The following CLIP2 variants were observed in gnomAD, a reference collection of about 807,000 sequenced individuals.
CLIP2 encodes CAP-Gly domain containing linker protein 2.
A neutral mutation model predicts 111.7 loss-of-function variants in CLIP2; 41 were observed. The observed-to-expected ratio is 0.37, with a 90% CI of 0.29 to 0.48. The LOEUF (loss-of-function observed/expected upper bound fraction) is 0.48, where lower values mean the gene tolerates loss of function less well. Ranked by LOEUF, CLIP2 falls within the 20% of genes least tolerant of loss-of-function variation. The probability of loss-of-function intolerance (pLI) is 0.99; values close to 1 mark genes in which losing one functional copy is unlikely to be tolerated. For missense variants in CLIP2, 1,160 were observed against 1,422.1 expected (o/e 0.82, Z 2.96); for synonymous variants, 660 against 644.2 (o/e 1.02, Z -0.37).
At chr7:74,378,271 G>A (rs1262039585) in intron 10 of CLIP2, among the ~76,000 whole-genome samples, 1 of 151,642 alleles carries the variant, frequency 6.6e-6, no homozygotes, top group Non-Finnish European at 1.5e-5. Context: ...AGGACCACAG[G>A]TGTGCCCCAC....
chr7:74,317,437 C>A, intron 1 of CLIP2, 43 bp from the exon 2 acceptor site: 1 of 1,267,372 alleles, frequency 7.9e-7, no homozygotes, highest in Non-Finnish European at 1.0e-6. Context: ...GTCTGGGGGC[C>A]ATTGGGAAGT....
intron 3 of CLIP2, among the ~76,000 whole-genome samples, chr7:74,348,858 A>G (rs1218132064): frequency 1.3e-5 from 2 of 151,718 alleles, no homozygotes; most frequent in African/African-American, 4.8e-5. Context: ...AAAAACTTGT[A>G]CAAGTAGGTC....
At chr7:74,348,177 C>A (rs1005816236) in intron 3 of CLIP2, among the ~76,000 whole-genome samples, 5 of 151,026 alleles carry the variant, frequency 3.3e-5, no homozygotes, top group African/African-American at 1.2e-4. Flanking sequence ...CAAAAAAAAA[C>A]AAAAACAGGA....
intron 2 of CLIP2, among the ~76,000 whole-genome samples, chr7:74,321,550 A>G (rs1025043567): frequency 6.6e-6 from 1 of 151,576 alleles, no homozygotes; most frequent in African/African-American, 2.4e-5. Flanking sequence ...GCTCACTGCA[A>G]CCTCCACCTC....
At chr7:74,393,127 C>G (rs1271762937) in intron 13 of CLIP2, among the ~76,000 whole-genome samples, 1 of 149,978 alleles carries the variant, frequency 6.7e-6, no homozygotes, top group Non-Finnish European at 1.5e-5. Context: ...CCTCCACCTT[C>G]TGGGTTCAAG....
In CLIP2 at chr7:74,381,012, G is replaced by A. The variant is rs1419902868; in HGVS notation, c.2479+149G>A. 4.3e-6 allele frequency: 3 copies of A among 702,526 alleles called. No individual in the cohort carries two copies. In the East Asian group the frequency reaches 7.8e-5, roughly 18 times the overall value. The allele number at this position is 702,526 out of a possible 1,614,324, so 43.5% of individuals were successfully genotyped here. On this transcript the variant is annotated intron_variant, in intron 11 of 16. Transcript: ENST00000223398. ...GCTGTGAGCTATGTACTCCTGCAAG[G>A]GAGGAGGCCAGTTTACGGAGGGATA...
chr7:74,383,828 A>AAATAAAG (rs1791009221), intron 11 of CLIP2, among the ~76,000 whole-genome samples: 1 of 152,182 alleles, frequency 6.6e-6, no homozygotes, highest in African/African-American at 2.4e-5. Flanking sequence ...AAAGAAAAAG[A>AAATAAAG]AATAAAGAGA....
At chr7:74,308,769 A>C (rs1408403458) in intron 1 of CLIP2, among the ~76,000 whole-genome samples, 11 of 151,880 alleles carry the variant, frequency 7.2e-5, no homozygotes, top group Non-Finnish European at 2.9e-5. Flanking sequence ...CCGTCTTTTC[A>C]TGTGCTTATG....
intron 16 of CLIP2, among the ~76,000 whole-genome samples, chr7:74,402,432 G>A (rs1367402951): frequency 6.6e-6 from 1 of 151,730 alleles, no homozygotes; most frequent in Non-Finnish European, 1.5e-5. Flanking sequence ...CAGGAGAATC[G>A]CTTGAACCTG....
intron 4 of CLIP2, 128 bp downstream of exon 4, chr7:74,354,132 C>T (rs968312383): frequency 8.6e-7 from 1 of 1,157,380 alleles, no homozygotes. Context: ...TAAGTCCTTT[C>T]CCATTCCCTC....
At position 74,401,509 on chromosome 7, in the gene CLIP2, T is replaced by C. The variant is rs148729471; in HGVS notation, c.3071T>C (p.Ile1024Thr). 259 of 1,613,856 alleles carry C rather than the reference T, an allele frequency of 1.6e-4. No individual in the cohort carries two copies. Among genetic ancestry groups the C allele is most frequent in the Non-Finnish European group, 2.1e-4 (250 of 1,179,982 alleles). ...MRSCPDKAQT[I>T]GNSGSANGIH... Reference sequence around the variant, plus strand: ...TGTCTCCCCTAACTCTTCCAGACCATCGGCAATTCCGGTTCTGCAAACGGC... The same window carrying C: ...TGTCTCCCCTAACTCTTCCAGACCACCGGCAATTCCGGTTCTGCAAACGGC... Residue 1024 changes from isoleucine (I) to threonine (T), a missense_variant, in exon 16 of 17, where the codon ATC (isoleucine) becomes ACC (threonine). Physicochemically the swap from Ile to Thr is moderately conservative, Grantham distance 89. This residue lies in a region of CLIP2 where 676 missense variants were observed against 777.8 expected (regional missense o/e 0.87). Transcript: ENST00000223398.
chr7:74,380,287 C>T (rs1790907401), intron 10 of CLIP2: 1 of 151,814 alleles, frequency 6.6e-6, no homozygotes, highest in South Asian at 2.1e-4. Flanking sequence ...GTCTTTTCTT[C>T]TTTGGCCTCT....
Position 74,403,936 on chromosome 7 carries a change from C to T in CLIP2, c.*88C>T. On this transcript the variant is annotated 3_prime_UTR_variant, in exon 17 of 17. Transcript: ENST00000223398. The stretch of plus-strand genomic sequence containing the variant: ...TACCTCCTCCAGGCAGGAGCCGGGA[C>T]TGTCACTTTGGAGACAAAACAGTGT... 2 of 1,418,894 alleles carry T rather than the reference C, an allele frequency of 1.4e-6. No homozygotes were observed. Among genetic ancestry groups the T allele is most frequent in the Non-Finnish European group, 9.9e-7 (1 of 1,009,232 alleles). 87.9% of individuals were successfully genotyped at this position (1,418,894 alleles called of 1,614,324 possible).
intron 5 of CLIP2, 151 bp downstream of exon 5, chr7:74,356,774 G>A (rs1790161090): frequency 4.2e-6 from 3 of 711,148 alleles, no homozygotes; most frequent in Admixed American, 2.7e-5. Context: ...CTTTTAATAG[G>A]GAAAATTGAG....
chr7:74,364,840 A>C (rs1327785526), intron 8 of CLIP2: 1 of 454,682 alleles, frequency 2.2e-6, no homozygotes, highest in East Asian at 7.0e-5. Flanking sequence ...TGGGCAACGT[A>C]GCAAGATCCC....
intron 15 of CLIP2, among the ~76,000 whole-genome samples, chr7:74,400,966 G>A (rs1212240693): frequency 1.3e-5 from 2 of 151,746 alleles, no homozygotes; most frequent in African/African-American, 4.8e-5. Flanking sequence ...GAAGGGGGAG[G>A]CATTTCTGTC....
intron 10 of CLIP2, among the ~76,000 whole-genome samples, chr7:74,377,828 A>AT (rs34445488): frequency 0.11 from 15,366 of 142,662 alleles, 889 homozygotes; most frequent in Non-Finnish European, 0.13. Flanking sequence ...CCCCACATAC[A>AT]TTTTTTTTTT....
chr7:74,354,695 C>T lies in CLIP2; in HGVS notation c.803+691C>T, dbSNP rs192941308. ...CTGAGACATGAGAATTGCTGGAACC[C>T]GGGAGGCGAAGGTTGCAGTGAGCTG... is the stretch of plus-strand genomic sequence containing the variant. On this transcript the variant is annotated intron_variant, in intron 4 of 16. Coordinates refer to ENST00000223398, the MANE Select transcript of CLIP2 (RefSeq NM_003388.5). Among the ~76,000 whole-genome samples the T allele has an allele frequency of 6.2e-3, 935 of 151,862 alleles. 11 individuals carry two copies. Among genetic ancestry groups the T allele is most frequent in the African/African-American group, 0.022 (902 of 41,404 alleles).
intron 1 of CLIP2, among the ~76,000 whole-genome samples, chr7:74,299,528 C>A (rs1788266256): frequency 1.3e-5 from 2 of 152,112 alleles, no homozygotes; most frequent in Admixed American, 1.3e-4. Context: ...CAAGCCACCA[C>A]ACCCTGGAGT....
Sources: allele counts gnomAD v4.1 joint callset (sites outside exome capture counted in the v4.1 genomes callset), GRCh38; gene constraint gnomAD v4.1.1; regional missense constraint gnomAD v4.1.1; transcripts MANE v1.5; gene names NCBI Gene and HGNC (gene_info 2026-07-23, HGNC 2026-07-21).